Variants in ANKS1B observed in about 807,000 individuals in gnomAD.
ANKS1B encodes the protein ankyrin repeat and sterile alpha motif domain containing 1B.
ANKS1B carries 36 observed loss-of-function variants against 148.3 expected under a neutral mutation model. The observed-to-expected ratio is 0.24, with a 90% confidence interval of 0.19 to 0.32. The LOEUF (loss-of-function observed/expected upper bound fraction) is 0.32, where lower values mean the gene tolerates loss of function less well. ANKS1B is among the 10% of genes least tolerant of loss of function. The pLI, the probability that ANKS1B is intolerant of heterozygous loss-of-function variation, is 1.00. For synonymous variants in ANKS1B, 542 were observed against 560.8 expected, an observed-to-expected ratio of 0.97 and a Z score of 0.47; for missense variants, 1,157 against 1,542.6, an observed-to-expected ratio of 0.75 and a Z score of 4.19.
intron 22 of ANKS1B, chr12:98,794,823 TA>T: frequency 6.3e-7 from 1 of 1,590,830 alleles, no homozygotes; most frequent in Non-Finnish European, 8.6e-7. Context: ...TGAAGAAAAA[TA>T]AAGAGCTACA....
chr12:99,648,172 G>A (rs774406383), intron 9 of ANKS1B: 10 of 1,608,074 alleles, frequency 6.2e-6, no homozygotes, highest in Non-Finnish European at 8.5e-6. Flanking sequence ...TTTAAAGGAA[G>A]ACATGGAGGA....
At chr12:99,700,533 C>T (rs1195606823) in intron 8 of ANKS1B, among the ~76,000 whole-genome samples, 1 of 152,142 alleles carries the variant, frequency 6.6e-6, no homozygotes, top group African/African-American at 2.4e-5. Context: ...TCCTTCTTTA[C>T]AATTTCATGA....
chr12:99,806,520 G>A lies in ANKS1B; in HGVS notation c.553C>T (p.Pro185Ser). Reference protein sequence around the residue: ...RVVKMIISAHPNLMSCNTRKH... With the variant: ...RVVKMIISAHSNLMSCNTRKH... ...CGAGTGTTGCAGCTCATTAAGTTAG[G>A]ATGTGCACTGATGATCATTTTTACC... The change falls in exon 4 of 27, where the codon CCT becomes TCT. Residue 185 changes from proline (P) to serine (S), a missense_variant. Around this residue, in one of 6 missense-constraint regions of ANKS1B, gnomAD observed 164 missense variants for 232.6 expected, o/e 0.71. Transcript: ENST00000683438. 6.2e-7 allele frequency: 1 copy of A among 1,613,950 alleles called. No individual in the cohort carries two copies. Among genetic ancestry groups the A allele is most frequent in the Non-Finnish European group, 8.5e-7 (1 of 1,179,878 alleles).
chr12:99,025,420 T>C (rs1244135315), intron 17 of ANKS1B, among the ~76,000 whole-genome samples: 1 of 152,174 alleles, frequency 6.6e-6, no homozygotes, highest in Admixed American at 6.6e-5. Context: ...GTACCAGTCA[T>C]GAGTTGATCA....
At chr12:99,553,571 T>C (rs1269812964) in intron 9 of ANKS1B, among the ~76,000 whole-genome samples, 1 of 152,198 alleles carries the variant, frequency 6.6e-6, no homozygotes, top group Non-Finnish European at 1.5e-5. Context: ...TGATTCAGCA[T>C]GAAAGCAGTC....
intron 14 of ANKS1B, among the ~76,000 whole-genome samples, chr12:99,187,720 T>C (rs1182932292): frequency 1.3e-5 from 2 of 152,026 alleles, no homozygotes; most frequent in African/African-American, 4.8e-5. Flanking sequence ...GAACAACCGG[T>C]CCAGCCACTG....
chr12:99,629,362 GA>G (rs1004035715), intron 9 of ANKS1B, among the ~76,000 whole-genome samples: 1 of 151,966 alleles, frequency 6.6e-6, no homozygotes, highest in Admixed American at 6.6e-5. Flanking sequence ...TCACATACGA[GA>G]AAAAAACTTG....
chr12:98,760,080 G>C (rs1033140778), intron 25 of ANKS1B, among the ~76,000 whole-genome samples: 1 of 152,182 alleles, frequency 6.6e-6, no homozygotes, highest in African/African-American at 2.4e-5. Flanking sequence ...TATATGCATA[G>C]AAAATAGCAA....
At chr12:99,315,080 T>C (rs980670748) in intron 12 of ANKS1B, among the ~76,000 whole-genome samples, 3 of 150,976 alleles carry the variant, frequency 2.0e-5, no homozygotes, top group Non-Finnish European at 4.4e-5. Flanking sequence ...CCCTCTCTAC[T>C]AAAAACACAA....
At chr12:99,217,139 C>T (rs1044894777) in intron 14 of ANKS1B, among the ~76,000 whole-genome samples, 1 of 152,154 alleles carries the variant, frequency 6.6e-6, no homozygotes, top group African/African-American at 2.4e-5. Flanking sequence ...AAATTTTTAT[C>T]TTGTTTAAGC....
intron 16 of ANKS1B, among the ~76,000 whole-genome samples, chr12:99,075,242 T>C (rs538668456): frequency 6.6e-6 from 1 of 152,272 alleles, no homozygotes; most frequent in East Asian, 1.9e-4. Flanking sequence ...AAGTAAGTGA[T>C]GCATTTCCTG....
At chr12:99,707,451 G>C (rs955750711) in intron 8 of ANKS1B, among the ~76,000 whole-genome samples, 1 of 152,084 alleles carries the variant, frequency 6.6e-6, no homozygotes, top group African/African-American at 2.4e-5. Context: ...AAAGTCATAA[G>C]AGGTAACACA....
chr12:99,364,822 T>C (rs1305578868), intron 12 of ANKS1B, among the ~76,000 whole-genome samples: 3 of 152,228 alleles, frequency 2.0e-5, no homozygotes, highest in Admixed American at 1.3e-4. Flanking sequence ...CTTTTGATTA[T>C]TGCTATACTC....
chr12:98,827,560 A>T (rs2099259713), intron 19 of ANKS1B, among the ~76,000 whole-genome samples: 1 of 152,172 alleles, frequency 6.6e-6, no homozygotes, highest in African/African-American at 2.4e-5. Flanking sequence ...ATTTGGTACT[A>T]CTGCCCCTGC....
intron 8 of ANKS1B, among the ~76,000 whole-genome samples, chr12:99,663,248 A>G (rs764887879): frequency 1.3e-5 from 2 of 152,104 alleles, no homozygotes; most frequent in Non-Finnish European, 2.9e-5. Flanking sequence ...AACAGACTCA[A>G]CCATCTTAAA....
chr12:99,512,382 T>C (rs938750372), intron 9 of ANKS1B, among the ~76,000 whole-genome samples: 1 of 152,002 alleles, frequency 6.6e-6, no homozygotes, highest in Admixed American at 6.6e-5. Context: ...ATGATGATTA[T>C]TAAAAAGTCA....
intron 10 of ANKS1B, among the ~76,000 whole-genome samples, chr12:99,447,881 C>G (rs1378511041): frequency 2.0e-5 from 3 of 151,948 alleles, no homozygotes; most frequent in African/African-American, 7.2e-5. Context: ...CAGAGAAATG[C>G]AAATCAGAAC....
intron 12 of ANKS1B, among the ~76,000 whole-genome samples, chr12:99,318,423 T>C (rs1282112863): frequency 6.6e-6 from 1 of 152,246 alleles, no homozygotes; most frequent in Non-Finnish European, 1.5e-5. Context: ...AATTTATTCA[T>C]TTCTTCTAGA....
intron 16 of ANKS1B, among the ~76,000 whole-genome samples, chr12:99,075,877 A>AAATAT (rs2047704184): frequency 6.7e-6 from 1 of 148,538 alleles, no homozygotes; most frequent in Non-Finnish European, 1.5e-5. Flanking sequence ...TTGTATTATA[A>AAATAT]AATATATATC....
Sources: allele counts gnomAD v4.1 joint callset (sites outside exome capture counted in the v4.1 genomes callset), GRCh38; gene constraint gnomAD v4.1.1; regional missense constraint gnomAD v4.1.1; transcripts MANE v1.5; gene names NCBI Gene and HGNC (gene_info 2026-07-23, HGNC 2026-07-21).